The following FAM83E variants were observed in gnomAD, a reference collection of about 807,000 sequenced individuals.
FAM83E encodes the protein protein FAM83E.
In FAM83E, 29 loss-of-function variants were observed where a neutral mutation model predicts 34.3. The observed-to-expected ratio is 0.85, with a 90% CI of 0.63 to 1.15. The LOEUF is 1.15. Among genes scored for constraint, FAM83E ranks in the 50% most tolerant of loss-of-function variants. The pLI is 0.00. For synonymous variants in FAM83E, 312 were observed against 311.6 expected (o/e 1.00, Z -0.01); for missense variants, 697 against 685.0 (o/e 1.02, Z -0.20).
Position 48,613,775 on chromosome 19 carries a change from G to C in FAM83E, c.-403C>G. 2 of 985,380 alleles carry C rather than the reference G, an allele frequency of 2.0e-6. No homozygotes were observed. The highest frequency in any genetic ancestry group is 2.4e-6 in the Non-Finnish European group (2 of 829,922). 61.0% of individuals were successfully genotyped at this position (985,380 alleles called of 1,614,324 possible). On this transcript the variant is annotated 5_prime_UTR_variant, in exon 3 of 7. Transcript: ENST00000263266. ...CCACACGACAGCCTCCAACCCACCA[G>C]TCACACAGTGCCCAGTCAGACCCTT...
intron 4 of FAM83E, among the ~76,000 whole-genome samples, chr19:48,610,260 A>C (rs1373321810): frequency 4.6e-5 from 7 of 152,048 alleles, no homozygotes; most frequent in Admixed American, 3.9e-4. Context: ...TTAGCCAGGC[A>C]TGGTGACACA....
rs1973805841 is a variant in FAM83E at position 48,601,206 on chromosome 19, C to T, written c.1340G>A (p.Arg447Lys). 1.2e-6 allele frequency: 2 copies of T among 1,611,892 alleles called. No individual in the cohort carries two copies. Among genetic ancestry groups the T allele is most frequent in the Non-Finnish European group, 8.5e-7 (1 of 1,178,846 alleles). Reference sequence around the variant, plus strand: ...GAATGTAGCATCCCCACCGAACCGCCTTCGGGCTGGGGACAGATAGCGGAG... The same window carrying T: ...GAATGTAGCATCCCCACCGAACCGCTTTCGGGCTGGGGACAGATAGCGGAG... The part of the protein sequence containing the change: ...HRLRYLSPAR[R>K]RFGGDATFKL... The change falls in exon 7 of 7, where the codon AGG becomes AAG. Residue 447 changes from arginine to lysine, a missense_variant. Transcript: ENST00000263266.
At chr19:48,602,404 G>T (rs532749215) in intron 6 of FAM83E, among the ~76,000 whole-genome samples, 2 of 151,328 alleles carry the variant, frequency 1.3e-5, no homozygotes, top group South Asian at 4.2e-4. Context: ...GGGAAGGGGG[G>T]AAGTGAGAGG....
chr19:48,615,055 C>T lies in FAM83E; in HGVS notation c.-1506G>A, dbSNP rs1251700799. Among the ~76,000 whole-genome samples the T allele has an allele frequency of 1.3e-5, 2 of 152,136 alleles. No individual in the cohort carries two copies. The highest frequency in any genetic ancestry group is 4.8e-5 in the African/African-American group (2 of 41,438). ...CCCTCCCCACAGCCCTGCCAGCCTG[C>T]ACCCTGCACTTCCCGGTCCACGCCC... On this transcript the variant is annotated 5_prime_UTR_variant, in exon 1 of 7. Transcript: ENST00000263266.
chr19:48,601,297 G>A lies in FAM83E; in HGVS notation c.1249C>T (p.Pro417Ser), dbSNP rs1237961771. 6.3e-7 allele frequency: 1 copy of A among 1,576,974 alleles called. No homozygotes were observed. The highest frequency in any genetic ancestry group is 1.1e-5 in the South Asian group (1 of 87,020). Residue 417 changes from proline to serine, a missense_variant, in exon 7 of 7, where the codon CCC becomes TCC. By Grantham distance (74) the Pro-to-Ser change is moderately conservative (BLOSUM62 -1). Transcript: ENST00000263266. ...GGTCGGGAGTCCACTTCCCCCCAGG[G>A]GCCTCCTCCAGTGCCCCGCTGCCTC... ...LMRQRGTGGG[P>S]WGEVDSRPPW...
chr19:48,607,284 C>G, intron 5 of FAM83E: 1 of 1,600,652 alleles, frequency 6.2e-7, no homozygotes, highest in South Asian at 1.1e-5. Context: ...CCCCGAGCAG[C>G]CAGACAGTGG....
intron 6 of FAM83E, among the ~76,000 whole-genome samples, chr19:48,602,719 A>G (rs1189617797): frequency 3.3e-5 from 2 of 61,166 alleles, no homozygotes; most frequent in African/African-American, 1.8e-4. Context: ...ATATATATAT[A>G]TATATATATA....
In FAM83E at chr19:48,602,711, A is replaced by ATATG. The variant is rs1295366148; in HGVS notation, c.1176+782_1176+783insCATA. Among the ~76,000 whole-genome samples the ATATG allele has an allele frequency of 1.1e-4, 2 of 17,558 alleles. 1 individual carries two copies. 11.5% of individuals were successfully genotyped at this position (17,558 alleles called of 152,430 possible). A position where few individuals can be genotyped will look rare whatever the true frequency, so the allele number is the denominator to read the frequency against. Reference sequence around the variant, plus strand: ...CAAAAAAAAAAAAAAAAAAATATATATATATATATATATATATATATATAT... The same window carrying ATATG: ...CAAAAAAAAAAAAAAAAAAATATATATATGTATATATATATATATATATATATAT... On this transcript the variant is annotated intron_variant, in intron 6 of 6. Coordinates refer to ENST00000263266, the MANE Select transcript of FAM83E (RefSeq NM_017708.4).
rs1336552417 is a variant in FAM83E, at chr19:48,614,725, G to T, written c.-1273C>A. ...GGGCTCACCCACACCGGCTAGTGCCGGGCTCAATGGCCTCCCTTCCAGTGC... is the reference window on the plus strand; with the variant it reads ...GGGCTCACCCACACCGGCTAGTGCCTGGCTCAATGGCCTCCCTTCCAGTGC... On this transcript the variant is annotated 5_prime_UTR_variant, in exon 2 of 7. Transcript: ENST00000263266. 6 of 973,688 alleles carry T rather than the reference G, an allele frequency of 6.2e-6. No homozygotes were observed. Among genetic ancestry groups the T allele is most frequent in the African/African-American group, 5.4e-5 (3 of 55,794 alleles). The allele number at this position is 973,688 out of a possible 1,614,324, so 60.3% of individuals were successfully genotyped here. A position where few individuals can be genotyped will look rare whatever the true frequency, so the allele number is the denominator to read the frequency against.
chr19:48,611,329 C>T (rs1166751833), intron 3 of FAM83E, among the ~76,000 whole-genome samples: 1 of 151,826 alleles, frequency 6.6e-6, no homozygotes, highest in Non-Finnish European at 1.5e-5. Flanking sequence ...CCACCACGCC[C>T]AGCTAATTTT....
At chr19:48,614,887 C>T in intron 1 of FAM83E, 48 bp from the exon 2 acceptor site, 1 of 766,338 alleles carries the variant, frequency 1.3e-6, no homozygotes. Context: ...GGAGGGCCCC[C>T]ACAGGCCCCT....
chr19:48,606,778 C>T (rs182222343), intron 5 of FAM83E: 113 of 623,194 alleles, frequency 1.8e-4, no homozygotes, highest in African/African-American at 2.8e-4. Context: ...AGCAGCCACC[C>T]GCTCACCTCC....
rs967221901 is a variant in FAM83E, at chr19:48,613,404, A to G, written c.-32T>C. On this transcript the variant is annotated 5_prime_UTR_variant, in exon 3 of 7. Transcript: ENST00000263266. ...CACTCGGGTGGGAGGACTGACTGTG[A>G]GAGGCTGGGTCCCCGGGGGTCTGGC... 4.0e-6 allele frequency: 6 copies of G among 1,493,432 alleles called. No individual in the cohort carries two copies. Among genetic ancestry groups the G allele is most frequent in the Admixed American group, 4.3e-5 (2 of 46,078 alleles). The allele number at this position is 1,493,432 out of a possible 1,614,324, so 92.5% of individuals were successfully genotyped here. A position where few individuals can be genotyped will look rare whatever the true frequency, so the allele number is the denominator to read the frequency against.
In FAM83E at chr19:48,614,634, AGAG is replaced by A. The variant is rs1397759406; in HGVS notation, c.-1255-10_-1255-8del. The A allele has an allele frequency of 3.1e-5, 31 of 985,906 alleles. No homozygotes were observed. Among genetic ancestry groups the A allele is most frequent in the Non-Finnish European group, 3.5e-5 (29 of 830,496 alleles). 61.1% of individuals were successfully genotyped at this position (985,906 alleles called of 1,614,324 possible). Reference sequence around the variant, plus strand: ...TCCAGACCACAGCAGGGAGCTGCAAAGAGAAGAAAGGAGTCAAGGCAGGCCAGC... The same window carrying A: ...TCCAGACCACAGCAGGGAGCTGCAAAAAGAAAGGAGTCAAGGCAGGCCAGC... On this transcript the variant is annotated splice_polypyrimidine_tract_variant and splice_region_variant and intron_variant, in intron 2 of 6. Coordinates refer to ENST00000263266, the MANE Select transcript of FAM83E (RefSeq NM_017708.4).
chr19:48,602,861 A>T (rs1300913735), intron 6 of FAM83E, among the ~76,000 whole-genome samples: 13 of 136,438 alleles, frequency 9.5e-5, no homozygotes, highest in African/African-American at 3.6e-4. Context: ...TATTATTATT[A>T]TTATTATTTT....
Position 48,608,390 on chromosome 19 carries a change from G to A in FAM83E, c.758+1486C>T, listed in dbSNP as rs190268843. Among the ~76,000 whole-genome samples the A allele has an allele frequency of 7.9e-4, 119 of 151,084 alleles. 1 individual carries two copies. The highest frequency in any genetic ancestry group is 2.7e-3 in the African/African-American group (113 of 41,136). On this transcript the variant is annotated intron_variant, in intron 5 of 6. Transcript: ENST00000263266. ...AGCCTCCCAAAGTGCTGGGACTACA[G>A]ACATGAACCACCACGCCTGGCCTTT...
intron 5 of FAM83E, among the ~76,000 whole-genome samples, chr19:48,606,079 G>A (rs890020335): frequency 2.2e-4 from 33 of 151,966 alleles, no homozygotes; most frequent in African/African-American, 7.7e-4. Flanking sequence ...GGGAGGTCGA[G>A]GCGGGCAGAT....
At chr19:48,606,692 T>G (rs1165173300) in intron 5 of FAM83E, 1 of 466,870 alleles carries the variant, frequency 2.1e-6, no homozygotes, top group Non-Finnish European at 3.9e-6. Context: ...ACCTATGACC[T>G]CATCCCCAGA....
chr19:48,614,886 C>T, intron 1 of FAM83E, 47 bp from the exon 2 acceptor site: 2 of 763,478 alleles, frequency 2.6e-6, no homozygotes, highest in African/African-American at 3.8e-5. Context: ...AGGAGGGCCC[C>T]CACAGGCCCC....
Sources: gnomAD v4.1 joint callset for allele counts (sites outside exome capture counted in the v4.1 genomes callset) on GRCh38, gnomAD v4.1.1 for gene constraint, MANE v1.5 for transcripts, NCBI Gene and HGNC (gene_info 2026-07-23, HGNC 2026-07-21) for gene names.